EHBP1: variants seen among roughly 807,000 people sequenced by gnomAD.
EHBP1 encodes EH domain binding protein 1, also known as EH domain-binding protein 1.
Under a neutral mutation model 144.0 loss-of-function variants are expected in EHBP1, and 55 were observed. The observed-to-expected ratio is 0.38, with a 90% CI of 0.31 to 0.48. EHBP1 has a LOEUF of 0.48. EHBP1 is among the 20% of genes least tolerant of loss of function. EHBP1 has a pLI of 0.98. For missense variants in EHBP1, 1,200 were observed against 1,364.2 expected, an observed-to-expected ratio of 0.88 and a Z score of 1.90; for synonymous variants, 469 against 472.7, an observed-to-expected ratio of 0.99 and a Z score of 0.10.
chr2:62,829,632 A>T (rs571568017), intron 6 of EHBP1, among the ~76,000 whole-genome samples: 2 of 147,038 alleles, frequency 1.4e-5, no homozygotes, highest in South Asian at 4.2e-4. Context: ...TATATATAAT[A>T]CATAATACTA....
intron 19 of EHBP1, among the ~76,000 whole-genome samples, chr2:63,013,446 C>T (rs1195746315): frequency 6.6e-6 from 1 of 152,110 alleles, no homozygotes; most frequent in East Asian, 1.9e-4. Flanking sequence ...CTATGTAGGG[C>T]TGAATGTGCA....
chr2:62,778,149 C>T (rs910704265), intron 5 of EHBP1, among the ~76,000 whole-genome samples: 16 of 152,154 alleles, frequency 1.1e-4, no homozygotes, highest in East Asian at 3.8e-4. Context: ...TCGGCTCCTC[C>T]AGGGCTCCAC....
At chr2:62,907,574 A>G (rs1407624827) in intron 10 of EHBP1, among the ~76,000 whole-genome samples, 1 of 152,170 alleles carries the variant, frequency 6.6e-6, no homozygotes, top group Non-Finnish European at 1.5e-5. Flanking sequence ...CACCTGCTTG[A>G]GAAAGGAAGC....
intron 19 of EHBP1, among the ~76,000 whole-genome samples, chr2:63,013,022 G>A (rs1239983241): frequency 6.6e-6 from 1 of 152,094 alleles, no homozygotes; most frequent in African/African-American, 2.4e-5. Context: ...AAAATCAAAC[G>A]AGTAGGGTAA....
chr2:63,036,062 A>T (rs1179572482), intron 19 of EHBP1, among the ~76,000 whole-genome samples: 1 of 151,866 alleles, frequency 6.6e-6, no homozygotes, highest in Admixed American at 6.6e-5. Flanking sequence ...CCTACTGGTA[A>T]ACAACAGCTA....
intron 5 of EHBP1, among the ~76,000 whole-genome samples, chr2:62,825,655 A>G (rs999432485): frequency 6.6e-6 from 1 of 152,062 alleles, no homozygotes; most frequent in East Asian, 1.9e-4. Context: ...TGGAAGTTCT[A>G]TAAATAATCG....
chr2:62,703,834 T>C (rs2034351429), upstream of EHBP1, among the ~76,000 whole-genome samples: 2 of 152,220 alleles, frequency 1.3e-5, no homozygotes, highest in African/African-American at 4.8e-5. Flanking sequence ...CTCTATTTTT[T>C]CTCTCTTCCC....
intron 7 of EHBP1, among the ~76,000 whole-genome samples, chr2:62,832,372 T>C (rs2046875126): frequency 6.6e-6 from 1 of 151,870 alleles, no homozygotes; most frequent in Non-Finnish European, 1.5e-5. Flanking sequence ...CAACTTCTCA[T>C]TACAGGCATA....
intron 10 of EHBP1, among the ~76,000 whole-genome samples, chr2:62,904,514 C>T (rs1166956618): frequency 1.3e-5 from 2 of 152,198 alleles, no homozygotes; most frequent in Non-Finnish European, 2.9e-5. Context: ...AGGACTGGAA[C>T]TTGAGCCCAT....
At chr2:63,007,140 G>A (rs537860385) in intron 19 of EHBP1, among the ~76,000 whole-genome samples, 1 of 151,828 alleles carries the variant, frequency 6.6e-6, no homozygotes, top group African/African-American at 2.4e-5. Flanking sequence ...CAATGCTAGA[G>A]CTTTAAGACA....
chr2:62,817,300 T>G (rs747609526), intron 5 of EHBP1, among the ~76,000 whole-genome samples: 1 of 152,112 alleles, frequency 6.6e-6, no homozygotes, highest in Non-Finnish European at 1.5e-5. Flanking sequence ...TCTGGGAAAG[T>G]GAGTTTTAGT....
At position 63,038,797 on chromosome 2, in the gene EHBP1, G is replaced by A. The variant is rs764987838; in HGVS notation, c.3258G>A (p.Arg1086=). The change falls in exon 21 of 23, where the codon AGG becomes AGA. Residue 1086 remains arginine (R), a synonymous_variant. Coordinates refer to ENST00000431489, the MANE Select transcript of EHBP1 (RefSeq NM_001142616.3). The stretch of plus-strand genomic sequence containing the variant: ...ATGAGCTGCTGAACCGGGAATTGAG[G>A]GCAATGCTAGCCATTGAAGGTAAGA... ...RRYELLNREL[R]AMLAIEDWQK... is the part of the protein sequence containing the mutation. 11 of 1,613,300 alleles carry A rather than the reference G, an allele frequency of 6.8e-6. No individual in the cohort carries two copies. The highest frequency in any genetic ancestry group is 9.3e-6 in the Non-Finnish European group (11 of 1,179,470).
intron 13 of EHBP1, among the ~76,000 whole-genome samples, chr2:62,954,596 A>G (rs1227527471): frequency 6.6e-6 from 1 of 152,172 alleles, no homozygotes; most frequent in African/African-American, 2.4e-5. Context: ...AAATAGTTGT[A>G]GTAAAATATA....
At chr2:62,810,000 G>GA (rs1222306711) in intron 5 of EHBP1, among the ~76,000 whole-genome samples, 2 of 152,174 alleles carry the variant, frequency 1.3e-5, no homozygotes, top group Non-Finnish European at 2.9e-5. Context: ...ATTTGTGGTA[G>GA]AACCATATTA....
At chr2:62,745,452 T>C (rs2039062503) in intron 2 of EHBP1, among the ~76,000 whole-genome samples, 1 of 151,870 alleles carries the variant, frequency 6.6e-6, no homozygotes, top group African/African-American at 2.4e-5. Flanking sequence ...GAGAAAGTGA[T>C]AAATTAGGGG....
At chr2:62,848,376 C>T (rs1348460798) in intron 7 of EHBP1, among the ~76,000 whole-genome samples, 2 of 152,128 alleles carry the variant, frequency 1.3e-5, no homozygotes, top group Admixed American at 6.6e-5. Flanking sequence ...AGCCACCATG[C>T]CCGGCACTTA....
At chr2:62,957,641 C>CTTTTTGTTTTTTTTTTTTTTTTTT (rs2057769884) in intron 14 of EHBP1, among the ~76,000 whole-genome samples, 2 of 87,174 alleles carry the variant, frequency 2.3e-5, no homozygotes, top group African/African-American at 1.0e-4. Flanking sequence ...AAAATAAATG[C>CTTTTTGTTTTTTTTTTTTTTTTTT]TTTTTTTTTT....
At chr2:62,800,766 A>G (rs1271901412) in intron 5 of EHBP1, among the ~76,000 whole-genome samples, 1 of 152,234 alleles carries the variant, frequency 6.6e-6, no homozygotes, top group African/African-American at 2.4e-5. Context: ...TAGTATGAAG[A>G]CACAAAACAA....
At chr2:62,741,135 T>C (rs971613975) in intron 2 of EHBP1, among the ~76,000 whole-genome samples, 2 of 152,186 alleles carry the variant, frequency 1.3e-5, no homozygotes, top group Non-Finnish European at 1.5e-5. Flanking sequence ...CTCTCTGTTC[T>C]AGAATCCTGT....
Sources: gnomAD v4.1 joint callset for allele counts (sites outside exome capture counted in the v4.1 genomes callset) on GRCh38, gnomAD v4.1.1 for gene constraint, MANE v1.5 for transcripts, NCBI Gene and HGNC (gene_info 2026-07-23, HGNC 2026-07-21) for gene names.